The following BTG4 variants were observed in gnomAD, a reference collection of about 807,000 sequenced individuals.
BTG4 encodes BTG anti-proliferation factor 4.
BTG4 carries 10 observed loss-of-function variants against 19.3 expected under a neutral mutation model. The observed-to-expected ratio is 0.52, with a 90% CI of 0.32 to 0.88. The LOEUF (loss-of-function observed/expected upper bound fraction) is 0.88. Ranked by LOEUF, BTG4 falls within the 40% of genes least tolerant of loss-of-function variation. BTG4 has a pLI of 0.04. For missense variants in BTG4, 238 were observed against 281.9 expected (o/e 0.84, Z 1.11); for synonymous variants, 91 against 95.7 (o/e 0.95, Z 0.29).
chr11:111,395,153 T>C, the BTG4 span, among the ~76,000 whole-genome samples: 236 of 152,376 alleles, frequency 1.5e-3, no homozygotes, highest in Admixed American at 3.5e-3. Context: ...CCAGGTGGGC[T>C]TGGCCATCCA....
chr11:111,432,729 A>G, the BTG4 span, among the ~76,000 whole-genome samples: 1 of 152,220 alleles, frequency 6.6e-6, no homozygotes, highest in African/African-American at 2.4e-5. Context: ...AGGGAAACAA[A>G]TATGTTTGGT....
At chr11:111,391,287 G>A in the BTG4 span, among the ~76,000 whole-genome samples, 2 of 152,138 alleles carry the variant, frequency 1.3e-5, no homozygotes, top group Non-Finnish European at 2.9e-5. Flanking sequence ...AACTCATACT[G>A]TTCAGAGTCT....
chr11:111,441,602 C>A, the BTG4 span, among the ~76,000 whole-genome samples: 1 of 152,230 alleles, frequency 6.6e-6, no homozygotes, highest in Admixed American at 6.5e-5. Flanking sequence ...CCATGCCTCT[C>A]CCACGCCTGA....
At chr11:111,469,122 A>G (rs777917477) in intron 5 of BTG4, 6 of 152,146 alleles carry the variant, frequency 3.9e-5, no homozygotes, top group Non-Finnish European at 5.9e-5. Context: ...TGTGCCATAA[A>G]CCCTGAGAAA....
the BTG4 span, among the ~76,000 whole-genome samples, chr11:111,426,242 A>C: frequency 6.6e-6 from 1 of 152,042 alleles, no homozygotes. Flanking sequence ...CCAAGAAACC[A>C]TGAAAGCAGT....
the BTG4 span, among the ~76,000 whole-genome samples, chr11:111,393,201 C>T: frequency 6.6e-6 from 1 of 152,192 alleles, no homozygotes; most frequent in African/African-American, 2.4e-5. Context: ...TCTCTTATTA[C>T]TCTGAGTCAA....
chr11:111,416,473 A>T, the BTG4 span: 2 of 152,136 alleles, frequency 1.3e-5, no homozygotes, highest in African/African-American at 4.8e-5. Context: ...TCCTGAGGTC[A>T]GGTCGGAGCA....
the BTG4 span, chr11:111,451,307 G>A: frequency 2.4e-6 from 1 of 408,844 alleles, no homozygotes; most frequent in Non-Finnish European, 5.2e-6. Context: ...CCCTGGCTGA[G>A]GAGTCCCAGC....
the BTG4 span, among the ~76,000 whole-genome samples, chr11:111,442,140 C>T: frequency 6.6e-6 from 1 of 152,046 alleles, no homozygotes; most frequent in Non-Finnish European, 1.5e-5. Context: ...TTTCTAATAA[C>T]ATTCTCCAAT....
chr11:111,451,422 T>C, the BTG4 span: 1 of 453,048 alleles, frequency 2.2e-6, no homozygotes, highest in Non-Finnish European at 4.5e-6. Flanking sequence ...TTGTCTACGA[T>C]AATTTGCCTC....
the BTG4 span, among the ~76,000 whole-genome samples, chr11:111,399,929 G>C: frequency 2.0e-5 from 3 of 152,090 alleles, no homozygotes; most frequent in South Asian, 6.2e-4. Context: ...TTGCGATCCT[G>C]CATCATCCTA....
the BTG4 span, among the ~76,000 whole-genome samples, chr11:111,396,203 C>A: frequency 6.6e-6 from 1 of 152,180 alleles, no homozygotes; most frequent in South Asian, 2.1e-4. Flanking sequence ...AAATAGTTGG[C>A]GCTTTGGGGA....
chr11:111,457,823 C>T, the BTG4 span: 1 of 152,346 alleles, frequency 6.6e-6, no homozygotes, highest in African/African-American at 2.4e-5. Flanking sequence ...CCCACCTTGC[C>T]CCCTTGGTTT....
At chr11:111,491,916 A>C (rs527546804), downstream of BTG4, among the ~76,000 whole-genome samples, 1 of 149,692 alleles carries the variant, frequency 6.7e-6, no homozygotes, top group Non-Finnish European at 1.5e-5. Flanking sequence ...ACTTTTTATC[A>C]CAATAAAAAT....
At chr11:111,508,244 T>A (rs1752664666) in intron 1 of BTG4, among the ~76,000 whole-genome samples, 1 of 152,206 alleles carries the variant, frequency 6.6e-6, no homozygotes, top group Non-Finnish European at 1.5e-5. Flanking sequence ...TCCTAAATGG[T>A]CTTTCAGTCT....
At chr11:111,399,734 G>A in the BTG4 span, among the ~76,000 whole-genome samples, 1 of 152,162 alleles carries the variant, frequency 6.6e-6, no homozygotes, top group Admixed American at 6.5e-5. Context: ...ATTTACTAGA[G>A]AACTTCCACT....
chr11:111,459,878 C>G, the BTG4 span: 2 of 152,296 alleles, frequency 1.3e-5, no homozygotes, highest in Non-Finnish European at 2.9e-5. Context: ...GGAGGGGTAC[C>G]CATGTGCCAA....
the BTG4 span, among the ~76,000 whole-genome samples, chr11:111,405,418 A>AAAAAAG: frequency 6.9e-6 from 1 of 145,536 alleles, no homozygotes; most frequent in Non-Finnish European, 1.5e-5. Flanking sequence ...AAAAAAAAAA[A>AAAAAAG]AAAAAAAAAA....
chr11:111,452,113 T>C, the BTG4 span, among the ~76,000 whole-genome samples: 1 of 152,210 alleles, frequency 6.6e-6, no homozygotes, highest in African/African-American at 2.4e-5. Flanking sequence ...GATCCAGGTG[T>C]GCTGTTAGTG....
Sources: gnomAD v4.1 joint callset for allele counts (sites outside exome capture counted in the v4.1 genomes callset) on GRCh38, gnomAD v4.1.1 for gene constraint, MANE v1.5 for transcripts, NCBI Gene and HGNC (gene_info 2026-07-23, HGNC 2026-07-21) for gene names.